Variants in RLF observed in about 807,000 individuals in gnomAD.
The protein encoded by RLF is RLF zinc finger.
In RLF, 7 loss-of-function variants were observed where a neutral mutation model predicts 162.9. The observed-to-expected ratio is 0.04, with a 90% CI of 0.02 to 0.08. The LOEUF (loss-of-function observed/expected upper bound fraction) is 0.08, where lower values mean the gene tolerates loss of function less well. Among genes scored for constraint, RLF ranks in the 10% least tolerant of loss-of-function variants. The pLI is 1.00. For missense variants in RLF, 1,664 were observed against 2,244.7 expected, an observed-to-expected ratio of 0.74 and a Z score of 5.23; for synonymous variants, 782 against 791.5, an observed-to-expected ratio of 0.99 and a Z score of 0.20.
intron 1 of RLF, among the ~76,000 whole-genome samples, chr1:40,175,642 C>CCGA (rs1642314740): frequency 6.6e-6 from 1 of 151,680 alleles, no homozygotes; most frequent in Non-Finnish European, 1.5e-5. Context: ...GAGTGAGACT[C>CCGA]CGACTCAAAA....
chr1:40,219,151 C>T (rs965719488), intron 5 of RLF, among the ~76,000 whole-genome samples: 4 of 152,080 alleles, frequency 2.6e-5, no homozygotes, highest in Admixed American at 2.6e-4. Flanking sequence ...AGTAGTATAA[C>T]CATATTTTAT....
intron 5 of RLF, among the ~76,000 whole-genome samples, chr1:40,219,913 T>C (rs1168285277): frequency 6.6e-6 from 1 of 152,174 alleles, no homozygotes; most frequent in Non-Finnish European, 1.5e-5. Context: ...CAACAATCCC[T>C]GTGGTAACTT....
chr1:40,180,029 A>G (rs2124530154), intron 1 of RLF, among the ~76,000 whole-genome samples: 1 of 152,270 alleles, frequency 6.6e-6, no homozygotes, highest in Middle Eastern at 3.4e-3. Context: ...GCTATTGTAA[A>G]TAATGCTGCT....
intron 6 of RLF, among the ~76,000 whole-genome samples, chr1:40,226,104 A>G (rs544633869): frequency 6.6e-6 from 1 of 152,160 alleles, no homozygotes; most frequent in Non-Finnish European, 1.5e-5. Flanking sequence ...AACGGTTTTT[A>G]TTATTTTAGA....
At chr1:40,173,139 C>T (rs908164992) in intron 1 of RLF, among the ~76,000 whole-genome samples, 1 of 142,786 alleles carries the variant, frequency 7.0e-6, no homozygotes, top group African/African-American at 2.7e-5. Context: ...TGCAATGGTG[C>T]GATCTCGGCT....
intron 1 of RLF, among the ~76,000 whole-genome samples, chr1:40,184,881 G>T (rs1032201536): frequency 6.6e-6 from 1 of 152,028 alleles, no homozygotes; most frequent in Non-Finnish European, 1.5e-5. Context: ...AACTTTAGGA[G>T]GTCATCTTTA....
chr1:40,225,024 C>T (rs1643050046), intron 6 of RLF, among the ~76,000 whole-genome samples: 1 of 151,978 alleles, frequency 6.6e-6, no homozygotes, highest in Non-Finnish European at 1.5e-5. Flanking sequence ...AAATTAATCA[C>T]AGGAATTCTG....
intron 6 of RLF, among the ~76,000 whole-genome samples, chr1:40,230,685 C>T (rs1643141916): frequency 6.6e-6 from 1 of 152,090 alleles, no homozygotes. Flanking sequence ...TGCCCCCCTT[C>T]ACCTCCCAAA....
intron 6 of RLF, among the ~76,000 whole-genome samples, chr1:40,230,446 T>C (rs892786137): frequency 2.0e-5 from 3 of 152,158 alleles, no homozygotes; most frequent in African/African-American, 7.2e-5. Flanking sequence ...TGTTTTGTTT[T>C]TTTGAGATGG....
intron 1 of RLF, among the ~76,000 whole-genome samples, chr1:40,181,584 C>T (rs573672353): frequency 6.6e-6 from 1 of 152,150 alleles, no homozygotes; most frequent in African/African-American, 2.4e-5. Context: ...TTATGGATAA[C>T]TCTGTAGTAA....
chr1:40,225,844 A>G (rs1390213695), intron 6 of RLF, among the ~76,000 whole-genome samples: 2 of 132,816 alleles, frequency 1.5e-5, no homozygotes, highest in Non-Finnish European at 3.0e-5. Context: ...GCGCCATTGC[A>G]CTCCAGCCTG....
At chr1:40,192,548 A>G (rs1642573925) in intron 3 of RLF, among the ~76,000 whole-genome samples, 1 of 152,206 alleles carries the variant, frequency 6.6e-6, no homozygotes, top group African/African-American at 2.4e-5. Flanking sequence ...GAAATCTCTC[A>G]TATTTCTTTA....
In RLF at chr1:40,161,577, C is replaced by T. The variant is rs560891325; in HGVS notation, c.178C>T (p.Leu60=). 8 of 1,612,962 alleles carry T rather than the reference C, an allele frequency of 5.0e-6. No individual in the cohort carries two copies. In the South Asian group the frequency reaches 6.6e-5, roughly 13 times the overall value. ...GTGTCTGTGGCAGCTGGAGACAGAGCTGAGGGAGCAAGAGGTGTCGGAGGT... is the reference window on the plus strand; with the variant it reads ...GTGTCTGTGGCAGCTGGAGACAGAGTTGAGGGAGCAAGAGGTGTCGGAGGT... ...RPCLWQLETE[L]REQEVSEVSS... Residue 60 remains leucine, a synonymous_variant, in exon 1 of 8, where the codon CTG becomes TTG. Coordinates refer to ENST00000372771, the MANE Select transcript of RLF (RefSeq NM_012421.4). This position sits in a 1 kb window ranked among gnomAD's most constrained non-coding sequence, Gnocchi z 4.4.
chr1:40,194,784 T>TTTTA (rs920094705), intron 3 of RLF, among the ~76,000 whole-genome samples: 4 of 151,042 alleles, frequency 2.6e-5, no homozygotes, highest in Non-Finnish European at 5.9e-5. Flanking sequence ...AAAGGCACTC[T>TTTTA]TTTACTTAGT....
intron 1 of RLF, among the ~76,000 whole-genome samples, chr1:40,187,255 C>T (rs546872699): frequency 6.6e-6 from 1 of 152,258 alleles, no homozygotes; most frequent in Non-Finnish European, 1.5e-5. Flanking sequence ...TGGTCTCGAT[C>T]TCTTGACTTT....
intron 5 of RLF, among the ~76,000 whole-genome samples, chr1:40,205,258 C>T (rs1174212247): frequency 6.6e-6 from 1 of 152,002 alleles, no homozygotes; most frequent in Non-Finnish European, 1.5e-5. Context: ...ATTGCTTGAG[C>T]CCAGGAGGCA....
At chr1:40,231,034 C>G (rs1570563293) in intron 6 of RLF, among the ~76,000 whole-genome samples, 1 of 152,186 alleles carries the variant, frequency 6.6e-6, no homozygotes, top group African/African-American at 2.4e-5. Flanking sequence ...ACTACAGGCT[C>G]TAAGTAGCAT....
intron 7 of RLF, 25 bp from the exon 8 acceptor site, chr1:40,235,766 AT>A (rs763244361): frequency 5.4e-5 from 79 of 1,464,224 alleles, no homozygotes; most frequent in Non-Finnish European, 6.5e-5. Flanking sequence ...CAAAAAAATA[AT>A]TTTTTTATCC....
At chr1:40,222,160 T>C (rs1299131180) in intron 5 of RLF, among the ~76,000 whole-genome samples, 4 of 152,104 alleles carry the variant, frequency 2.6e-5, no homozygotes, top group Admixed American at 2.0e-4. Context: ...CCCACTGATA[T>C]TGAGGATAAG....
Sources: allele counts gnomAD v4.1 joint callset (sites outside exome capture counted in the v4.1 genomes callset), GRCh38; gene constraint gnomAD v4.1.1; non-coding constraint Gnocchi (gnomAD v3.1); transcripts MANE v1.5; gene names NCBI Gene and HGNC (gene_info 2026-07-23, HGNC 2026-07-21).